Variants in SHB observed in about 807,000 individuals in gnomAD.
SHB encodes SH2 domain-containing adapter protein B.
A neutral mutation model predicts 52.3 loss-of-function variants in SHB; 20 were observed. The observed-to-expected ratio is 0.38, with a 90% CI of 0.27 to 0.56. The LOEUF (loss-of-function observed/expected upper bound fraction) is 0.56. Among genes scored for constraint, SHB ranks in the 20% least tolerant of loss-of-function variants. SHB has a pLI of 0.71. For missense variants in SHB, 825 were observed against 723.3 expected (o/e 1.14, Z -1.61); for synonymous variants, 397 against 316.5 (o/e 1.25, Z -2.70).
At chr9:37,985,644 C>T (rs1056198625) in intron 2 of SHB, among the ~76,000 whole-genome samples, 1 of 152,374 alleles carries the variant, frequency 6.6e-6, no homozygotes, top group Admixed American at 6.5e-5. Context: ...TCTAAATCCT[C>T]GCCGACTGCA....
At chr9:38,057,763 C>G (rs775791396) in intron 1 of SHB, among the ~76,000 whole-genome samples, 7 of 152,216 alleles carry the variant, frequency 4.6e-5, no homozygotes. Flanking sequence ...CTGGAGAAAC[C>G]TGCAGACTCT....
chr9:38,058,542 AATC>A (rs1821849673), intron 1 of SHB, among the ~76,000 whole-genome samples: 1 of 152,150 alleles, frequency 6.6e-6, no homozygotes, highest in East Asian at 1.9e-4. Flanking sequence ...TCTGCTCTAG[AATC>A]TCCAGAGCCA....
At chr9:37,928,467 A>G (rs1191205978) in intron 5 of SHB, among the ~76,000 whole-genome samples, 2 of 152,210 alleles carry the variant, frequency 1.3e-5, no homozygotes, top group Non-Finnish European at 2.9e-5. Context: ...TTCCCTGGGG[A>G]ATACTCGCAA....
intron 1 of SHB, among the ~76,000 whole-genome samples, chr9:38,066,238 G>A (rs1310422604): frequency 6.6e-6 from 1 of 152,236 alleles, no homozygotes; most frequent in African/African-American, 2.4e-5. Context: ...AATGTTTACT[G>A]AAGTTTTGAA....
In SHB at chr9:37,919,787, G is replaced by C. The variant is rs372284311; in HGVS notation, c.*34C>G. ...GGGCCTCTGGCACCTCCAAGTCTCA[G>C]GCTCTGTCACAGAGCAGGGCAGGTC... On this transcript the variant is annotated 3_prime_UTR_variant, in exon 6 of 6. Transcript: ENST00000377707. 1.3e-6 allele frequency: 2 copies of C among 1,577,422 alleles called. No homozygotes were observed. The highest frequency in any genetic ancestry group is 2.7e-5 in the African/African-American group (2 of 74,064).
chr9:38,047,625 G>A (rs548920188), intron 1 of SHB, among the ~76,000 whole-genome samples: 2 of 152,362 alleles, frequency 1.3e-5, no homozygotes, highest in African/African-American at 2.4e-5. Flanking sequence ...AGAAACAGCA[G>A]CAGATCAAAA....
Position 38,068,238 on chromosome 9 carries a change from G to T in SHB, c.408C>A (p.Ala136=), listed in dbSNP as rs1314406831. Residue 136 remains alanine (A), a synonymous_variant, in exon 1 of 6, where the codon GCC becomes GCA. Transcript: ENST00000377707. ...RAFSASSASG[A]AGCCCASSGA... ...CCGAGGAGGCGCAGCAACAGCCCGCGGCGCCCGACGCGGACGAGGCCGAGA... is the reference window on the plus strand; with the variant it reads ...CCGAGGAGGCGCAGCAACAGCCCGCTGCGCCCGACGCGGACGAGGCCGAGA... 2 of 1,398,872 alleles carry T rather than the reference G, an allele frequency of 1.4e-6. No homozygotes were observed. Among genetic ancestry groups the T allele is most frequent in the Non-Finnish European group, 1.8e-6 (2 of 1,088,828 alleles). 86.7% of individuals were successfully genotyped at this position (1,398,872 alleles called of 1,614,324 possible).
rs919889796 is a variant in SHB at position 37,974,950 on chromosome 9, C to G, written c.839-113G>C. 200 of 868,044 alleles carry G rather than the reference C, an allele frequency of 2.3e-4. No homozygotes were observed. In the East Asian group the frequency reaches 5.2e-3, roughly 23 times the overall value. The allele number at this position is 868,044 out of a possible 1,614,324, so 53.8% of individuals were successfully genotyped here. A position where few individuals can be genotyped will look rare whatever the true frequency, so the allele number is the denominator to read the frequency against. On this transcript the variant is annotated intron_variant, in intron 2 of 5. Transcript: ENST00000377707. ...GCTGCCAGCGGGGAGGTGAGAACGA[C>G]AGAGAGACAGACCCCTGTCTGGGTT...
intron 1 of SHB, among the ~76,000 whole-genome samples, chr9:38,028,933 G>A (rs116363351): frequency 2.9e-3 from 449 of 152,224 alleles, no homozygotes; most frequent in African/African-American, 0.01. Context: ...GGGGCACCTT[G>A]CCTGCTGCTC....
chr9:37,940,843 A>C (rs1414402675), intron 5 of SHB, among the ~76,000 whole-genome samples: 1 of 152,166 alleles, frequency 6.6e-6, no homozygotes, highest in African/African-American at 2.4e-5. Context: ...TGAGATGAGG[A>C]GGCCAGACCA....
At chr9:37,950,110 A>G (rs961584932) in intron 4 of SHB, among the ~76,000 whole-genome samples, 2 of 151,920 alleles carry the variant, frequency 1.3e-5, no homozygotes, top group Admixed American at 6.6e-5. Context: ...GGCTATTTTA[A>G]AATCTTTTCT....
At chr9:37,966,864 C>A (rs1315457040) in intron 3 of SHB, among the ~76,000 whole-genome samples, 1 of 152,198 alleles carries the variant, frequency 6.6e-6, no homozygotes, top group African/African-American at 2.4e-5. Flanking sequence ...CAGTGCCCTA[C>A]ACACACAATG....
chr9:38,031,225 G>A (rs571188798), intron 1 of SHB, among the ~76,000 whole-genome samples: 2 of 152,332 alleles, frequency 1.3e-5, no homozygotes, highest in East Asian at 1.9e-4. Context: ...GGAGACTGAG[G>A]CAGGAGAATC....
At chr9:38,059,429 G>C (rs1821864155) in intron 1 of SHB, among the ~76,000 whole-genome samples, 1 of 152,238 alleles carries the variant, frequency 6.6e-6, no homozygotes, top group Non-Finnish European at 1.5e-5. Context: ...TCCAGAGACA[G>C]CTCCCCTTGG....
intron 3 of SHB, among the ~76,000 whole-genome samples, chr9:37,966,750 G>A (rs901276509): frequency 6.6e-6 from 1 of 152,176 alleles, no homozygotes. Context: ...GGTGGTGGCC[G>A]GGTTTAAGGT....
In SHB at chr9:37,974,689, G is replaced by GTAC. The variant is rs1419036710; in HGVS notation, c.986_987insGTA (p.Asp329delinsGluTyr). The GTAC allele has an allele frequency of 1.2e-6, 2 of 1,613,794 alleles. No homozygotes were observed. Among genetic ancestry groups the GTAC allele is most frequent in the Non-Finnish European group, 1.7e-6 (2 of 1,179,984 alleles). Reference sequence around the variant, plus strand: ...GGTCGTACTCATCGGCGGGCCTGTCGTCATCCTGGGGCAGCTTGCTCTCCC... The same window carrying GTAC: ...GGTCGTACTCATCGGCGGGCCTGTCGTACTCATCCTGGGGCAGCTTGCTCTCCC... On this transcript the variant is annotated protein_altering_variant, in exon 3 of 6. Transcript: ENST00000377707.
At chr9:37,957,411 A>C (rs1171278259) in intron 3 of SHB, among the ~76,000 whole-genome samples, 1 of 152,182 alleles carries the variant, frequency 6.6e-6, no homozygotes. Context: ...CATCTCAGCC[A>C]CTGAACCATC....
intron 4 of SHB, among the ~76,000 whole-genome samples, chr9:37,950,416 C>T (rs72724199): frequency 0.018 from 2,680 of 152,276 alleles, 33 homozygotes; most frequent in Non-Finnish European, 0.023. Context: ...AGGCACGCAC[C>T]GCCATGTCTG....
In SHB at chr9:37,919,720, C is replaced by G; in HGVS notation, c.*101G>C. 2 of 927,730 alleles carry G rather than the reference C, an allele frequency of 2.2e-6. No individual in the cohort carries two copies. Among genetic ancestry groups the G allele is most frequent in the Non-Finnish European group, 3.4e-6 (2 of 585,974 alleles). The allele number at this position is 927,730 out of a possible 1,614,324, so 57.5% of individuals were successfully genotyped here. A position where few individuals can be genotyped will look rare whatever the true frequency, so the allele number is the denominator to read the frequency against. On this transcript the variant is annotated 3_prime_UTR_variant, in exon 6 of 6. Coordinates refer to ENST00000377707, the MANE Select transcript of SHB (RefSeq NM_003028.3). ...GTGTGCTAGTACCATACACACAACA[C>G]AAACGACACAGCCAGCAACAGTGGC...
Sources: allele counts gnomAD v4.1 joint callset (sites outside exome capture counted in the v4.1 genomes callset), GRCh38; gene constraint gnomAD v4.1.1; transcripts MANE v1.5; gene names NCBI Gene and HGNC (gene_info 2026-07-23, HGNC 2026-07-21).